The following PUDP variants were observed in gnomAD, a reference collection of about 807,000 sequenced individuals.
PUDP encodes pseudouridine-5'-phosphatase.
A neutral mutation model predicts 9.4 loss-of-function variants in PUDP; 8 were observed. The observed-to-expected ratio is 0.85, with a 90% CI of 0.50 to 1.53. The LOEUF (loss-of-function observed/expected upper bound fraction) is 1.53, where lower values mean the gene tolerates loss of function less well. PUDP is among the 40% of genes most tolerant of loss of function. PUDP has a pLI of 0.00. For missense variants in PUDP, 188 were observed against 189.7 expected (o/e 0.99, Z 0.05); for synonymous variants, 99 against 80.7 (o/e 1.23, Z -1.22).
At chrX:6,971,475 G>T (rs2146793834) in intron 3 of PUDP, among the ~76,000 whole-genome samples, 1 of 103,562 alleles carries the variant, frequency 9.7e-6, no homozygotes, top group East Asian at 3.0e-4. Flanking sequence ...GGAGTGCAGT[G>T]GCGCAATCTC....
At chrX:6,897,444 C>T (rs755237167) in intron 3 of PUDP, among the ~76,000 whole-genome samples, 7 of 111,166 alleles carry the variant, frequency 6.3e-5, no homozygotes, top group Admixed American at 2.9e-4. Flanking sequence ...ACAGGATTCA[C>T]GATTCAACAT....
At position 6,973,812 on chromosome X, in the gene PUDP, G is replaced by C. The variant is rs1316092953; in HGVS notation, c.*247+3321C>G. Among the ~76,000 whole-genome samples the C allele has an allele frequency of 3.6e-5, 4 of 111,147 alleles. No individual in the cohort carries two copies. In the East Asian group the frequency reaches 1.1e-3, roughly 31 times the overall value. On this transcript the variant is annotated intron_variant and NMD_transcript_variant, in intron 3 of 3. Coordinates refer to the PUDP transcript ENST00000655425. ...CTAATATTGACAGTGGGGTGTTAAA[G>C]TCTCCCACTATTATTGTGTGGGAGT...
intron 3 of PUDP, among the ~76,000 whole-genome samples, chrX:6,775,150 C>T (rs1012562306): frequency 4.5e-5 from 5 of 111,686 alleles, no homozygotes; most frequent in African/African-American, 1.3e-4. Context: ...ATTTACTTTC[C>T]GTGTCTATGG....
chrX:6,865,477 G>T (rs777102740), intron 3 of PUDP, among the ~76,000 whole-genome samples: 4 of 112,048 alleles, frequency 3.6e-5, no homozygotes, highest in Non-Finnish European at 7.5e-5. Flanking sequence ...AACACTTTTA[G>T]TCACTTGGTA....
intron 1 of PUDP, among the ~76,000 whole-genome samples, chrX:7,128,262 GA>G (rs1157009841): frequency 1.8e-5 from 2 of 111,247 alleles, no homozygotes; most frequent in Non-Finnish European, 3.8e-5. Flanking sequence ...GGCTAGTCTT[GA>G]ACTCCTGGGC....
chrX:7,059,660 C>T (rs750724046), intron 3 of PUDP, among the ~76,000 whole-genome samples: 2 of 112,022 alleles, frequency 1.8e-5, no homozygotes, highest in African/African-American at 6.5e-5. Context: ...TTTTCAACAG[C>T]ACTTTCGTTA....
At chrX:6,853,452 T>TG (rs1555913275) in intron 3 of PUDP, among the ~76,000 whole-genome samples, 1 of 52,296 alleles carries the variant, frequency 1.9e-5, no homozygotes, top group African/African-American at 6.0e-5. Context: ...CTTTTGTGTG[T>TG]GTTTTTTTTT....
intron 1 of PUDP, among the ~76,000 whole-genome samples, chrX:6,708,048 C>T (rs1924490629): frequency 9.0e-6 from 1 of 111,373 alleles, no homozygotes; most frequent in Non-Finnish European, 1.9e-5. Context: ...GCTGGATTAC[C>T]CAGAAAATGC....
At chrX:6,842,315 A>ATTCAATCT (rs1278235102) in intron 3 of PUDP, among the ~76,000 whole-genome samples, 2 of 112,163 alleles carry the variant, frequency 1.8e-5, no homozygotes, top group African/African-American at 6.5e-5. Context: ...TCAGGCATTC[A>ATTCAATCT]TTCAATCTCT....
chrX:7,087,914 T>C (rs1931311390), intron 2 of PUDP, among the ~76,000 whole-genome samples: 1 of 111,373 alleles, frequency 9.0e-6, no homozygotes. Context: ...GTGATCGGCC[T>C]AAACTCCTCC....
At chrX:6,723,432 CAAAAAAA>C (rs549361509), upstream of PUDP, among the ~76,000 whole-genome samples, 40 of 17,319 alleles carry the variant, frequency 2.3e-3, no homozygotes, top group East Asian at 4.8e-3. Context: ...GAGGCTCTGT[CAAAAAAA>C]AAAAAAAAAA....
At chrX:6,782,041 C>T (rs1925571259) in intron 3 of PUDP, among the ~76,000 whole-genome samples, 1 of 110,929 alleles carries the variant, frequency 9.0e-6, no homozygotes, top group Admixed American at 9.6e-5. Context: ...CGTTTAAGAG[C>T]CTATAAAACC....
intron 3 of PUDP, among the ~76,000 whole-genome samples, chrX:7,073,763 G>C (rs1285930632): frequency 8.8e-6 from 1 of 113,148 alleles, no homozygotes; most frequent in Non-Finnish European, 1.9e-5. Context: ...AGAAGCATGA[G>C]AGGAAACATT....
intron 3 of PUDP, among the ~76,000 whole-genome samples, chrX:6,947,049 G>A (rs1454445445): frequency 2.8e-5 from 3 of 106,521 alleles, no homozygotes; most frequent in Non-Finnish European, 5.8e-5. Context: ...TGCCCAGGCT[G>A]GAGTGCAGTG....
intron 2 of PUDP, among the ~76,000 whole-genome samples, chrX:7,079,649 T>A (rs1445476949): frequency 8.9e-6 from 1 of 112,710 alleles, no homozygotes; most frequent in Non-Finnish European, 1.9e-5. Flanking sequence ...AAAATAGACA[T>A]TAATAATAGG....
intron 3 of PUDP, among the ~76,000 whole-genome samples, chrX:6,740,030 T>G (rs1030369291): frequency 9.0e-6 from 1 of 111,582 alleles, no homozygotes; most frequent in Non-Finnish European, 1.9e-5. Flanking sequence ...ATAGACACCT[T>G]TAGCAGGGTA....
intron 3 of PUDP, among the ~76,000 whole-genome samples, chrX:6,780,667 A>G (rs1471069518): frequency 9.0e-6 from 1 of 111,422 alleles, no homozygotes; most frequent in East Asian, 2.8e-4. Context: ...CATTAGATGC[A>G]TGATGGCGAA....
rs1375604337 is a variant in PUDP, at chrX:6,833,337, A to G, written c.*248-126871T>C. Among the ~76,000 whole-genome samples the G allele has an allele frequency of 2.7e-5, 3 of 111,193 alleles. No individual in the cohort carries two copies. The Admixed American group carries it at 2.9e-4, about 11-fold the overall frequency. On this transcript the variant is annotated intron_variant and NMD_transcript_variant, in intron 3 of 3. Transcript: ENST00000655425. ...GACAAATGCATGAATAAGTAGGTGG[A>G]TAGATGGGAAGATCGGTGGGTAAAT...
intron 1 of PUDP, among the ~76,000 whole-genome samples, chrX:7,137,757 G>C (rs1026553060): frequency 1.8e-5 from 2 of 112,050 alleles, no homozygotes; most frequent in South Asian, 3.7e-4. Context: ...ACCTATTTAG[G>C]TTCCTGTGAG....
Sources: allele counts gnomAD v4.1 joint callset (sites outside exome capture counted in the v4.1 genomes callset), GRCh38; gene constraint gnomAD v4.1.1; transcripts MANE v1.5; gene names NCBI Gene and HGNC (gene_info 2026-07-23, HGNC 2026-07-21).